NRG3: variants seen among roughly 807,000 people sequenced by gnomAD.
NRG3 encodes neuregulin 3.
A neutral mutation model predicts 66.9 loss-of-function variants in NRG3; 31 were observed. The observed-to-expected ratio is 0.46, with a 90% confidence interval of 0.35 to 0.63. NRG3 has a LOEUF of 0.63. Ranked by LOEUF, NRG3 falls within the 20% of genes least tolerant of loss-of-function variation. The pLI, the probability that NRG3 is intolerant of heterozygous loss-of-function variation, is 0.00. For synonymous variants in NRG3, 393 were observed against 359.4 expected, an observed-to-expected ratio of 1.09 and a Z score of -1.06; for missense variants, 910 against 878.9, an observed-to-expected ratio of 1.04 and a Z score of -0.45.
chr10:82,547,563 A>G (rs1385146353), intron 2 of NRG3, among the ~76,000 whole-genome samples: 1 of 151,610 alleles, frequency 6.6e-6, no homozygotes, highest in African/African-American at 2.4e-5. Flanking sequence ...ATATATGTAT[A>G]TACACTGATG....
intron 7 of NRG3, among the ~76,000 whole-genome samples, chr10:82,976,801 T>C (rs1317966087): frequency 1.3e-5 from 2 of 152,060 alleles, no homozygotes; most frequent in Non-Finnish European, 2.9e-5. Context: ...GCCTTCCTTA[T>C]ATCCCTTTTC....
intron 2 of NRG3, among the ~76,000 whole-genome samples, chr10:82,392,896 A>G (rs55932352): frequency 4.0e-5 from 6 of 149,768 alleles, no homozygotes; most frequent in Non-Finnish European, 8.9e-5. Context: ...ATATATATAT[A>G]TATTTTTTGC....
At chr10:82,446,090 G>T (rs1182079038) in intron 2 of NRG3, among the ~76,000 whole-genome samples, 1 of 152,080 alleles carries the variant, frequency 6.6e-6, no homozygotes, top group Non-Finnish European at 1.5e-5. Context: ...CTACTTATTT[G>T]TTCATGACCC....
At chr10:82,175,445 A>G (rs1395343056) in intron 1 of NRG3, among the ~76,000 whole-genome samples, 3 of 152,096 alleles carry the variant, frequency 2.0e-5, no homozygotes, top group African/African-American at 7.2e-5. Flanking sequence ...TTCCATTTGC[A>G]TCCAGACTAT....
chr10:82,162,991 A>G (rs915758555), intron 1 of NRG3, among the ~76,000 whole-genome samples: 1 of 152,090 alleles, frequency 6.6e-6, no homozygotes, highest in African/African-American at 2.4e-5. Flanking sequence ...AGTTTGTGCT[A>G]TGGACTATTG....
chr10:82,077,359 G>A (rs373153725), intron 1 of NRG3, among the ~76,000 whole-genome samples: 10 of 152,166 alleles, frequency 6.6e-5, no homozygotes, highest in Admixed American at 1.3e-4. Flanking sequence ...AAATGGTGGT[G>A]CTTTCATTCC....
intron 2 of NRG3, among the ~76,000 whole-genome samples, chr10:82,385,868 A>G (rs548187166): frequency 1.3e-5 from 2 of 152,330 alleles, no homozygotes; most frequent in East Asian, 1.9e-4. Context: ...TGTTTTAGCT[A>G]TTAAACCACA....
intron 1 of NRG3, among the ~76,000 whole-genome samples, chr10:82,081,931 G>C (rs763833209): frequency 1.3e-5 from 2 of 152,180 alleles, no homozygotes; most frequent in Non-Finnish European, 2.9e-5. Flanking sequence ...GAGGTAGGAG[G>C]ATGGCTTGAG....
At chr10:81,899,564 A>G (rs1843835275) in intron 1 of NRG3, among the ~76,000 whole-genome samples, 1 of 152,118 alleles carries the variant, frequency 6.6e-6, no homozygotes, top group East Asian at 1.9e-4. Context: ...GCAGGGAAGG[A>G]TTTCATGTCC....
intron 1 of NRG3, among the ~76,000 whole-genome samples, chr10:81,979,274 C>T (rs1045385234): frequency 6.6e-6 from 1 of 151,896 alleles, no homozygotes; most frequent in African/African-American, 2.4e-5. Flanking sequence ...TCTCTGATTT[C>T]CTCCACAGAG....
At chr10:82,190,044 G>GA (rs2074045404) in intron 1 of NRG3, among the ~76,000 whole-genome samples, 1 of 152,106 alleles carries the variant, frequency 6.6e-6, no homozygotes. Flanking sequence ...AAGCAATATG[G>GA]CATGCAGTTC....
chr10:82,633,205 T>C (rs968702216), intron 2 of NRG3, among the ~76,000 whole-genome samples: 1 of 152,218 alleles, frequency 6.6e-6, no homozygotes, highest in Admixed American at 6.5e-5. Flanking sequence ...GTGCATTTGC[T>C]AGAACTGGGT....
intron 1 of NRG3, among the ~76,000 whole-genome samples, chr10:81,959,754 C>T (rs927804078): frequency 5.9e-5 from 9 of 151,922 alleles, no homozygotes; most frequent in Admixed American, 5.9e-4. Flanking sequence ...CTTCCCAGCC[C>T]AATACTATGA....
intron 1 of NRG3, chr10:81,878,186 C>A: frequency 8.6e-7 from 1 of 1,168,610 alleles, no homozygotes; most frequent in Non-Finnish European, 1.2e-6. Context: ...TGACAGGGCC[C>A]TCAGCCCCAA....
intron 2 of NRG3, among the ~76,000 whole-genome samples, chr10:82,649,640 GAC>G (rs1236032098): frequency 6.6e-6 from 1 of 151,774 alleles, no homozygotes; most frequent in Admixed American, 6.6e-5. Flanking sequence ...TTTTAATAGA[GAC>G]AGAGTTTCAC....
chr10:82,934,770 T>G (rs187758432), intron 4 of NRG3, among the ~76,000 whole-genome samples: 2 of 152,340 alleles, frequency 1.3e-5, no homozygotes, highest in East Asian at 3.9e-4. Flanking sequence ...GTAAAAGAGA[T>G]GAGGCTTAAA....
intron 2 of NRG3, among the ~76,000 whole-genome samples, chr10:82,685,578 T>G (rs2054451075): frequency 6.6e-6 from 1 of 152,220 alleles, no homozygotes; most frequent in Non-Finnish European, 1.5e-5. Flanking sequence ...TAGGCTACAC[T>G]ACGTTTGTAA....
At chr10:82,356,889 T>G (rs1256965882) in intron 1 of NRG3, among the ~76,000 whole-genome samples, 3 of 152,358 alleles carry the variant, frequency 2.0e-5, no homozygotes, top group Admixed American at 2.0e-4. Flanking sequence ...TAGCATTTAA[T>G]TGTTGATGTT....
At chr10:82,323,821 A>G (rs908260060) in intron 1 of NRG3, among the ~76,000 whole-genome samples, 1 of 152,128 alleles carries the variant, frequency 6.6e-6, no homozygotes, top group Non-Finnish European at 1.5e-5. Context: ...CCAGTTATCT[A>G]TTTTTGAAAA....
Sources: allele counts gnomAD v4.1 joint callset (sites outside exome capture counted in the v4.1 genomes callset), GRCh38; gene constraint gnomAD v4.1.1; transcripts MANE v1.5; gene names NCBI Gene and HGNC (gene_info 2026-07-23, HGNC 2026-07-21).